Variants in CHST4 observed in about 807,000 individuals in gnomAD.
The protein encoded by CHST4 is carbohydrate sulfotransferase 4, also known as GST-3.
For synonymous variants in CHST4, 171 were observed against 195.5 expected, an observed-to-expected ratio of 0.87 and a Z score of 1.05; for missense variants, 466 against 506.0, an observed-to-expected ratio of 0.92 and a Z score of 0.76.
At chr16:71,529,536 C>A (rs1263028331) in intron 1 of CHST4, among the ~76,000 whole-genome samples, 1 of 134,926 alleles carries the variant, frequency 7.4e-6, no homozygotes, top group Non-Finnish European at 1.5e-5. Flanking sequence ...TCTTCCCATG[C>A]TCATCTATTT....
intron 1 of CHST4, among the ~76,000 whole-genome samples, chr16:71,532,606 G>A (rs1170020307): frequency 3.3e-5 from 5 of 152,158 alleles, no homozygotes; most frequent in Admixed American, 6.5e-5. Context: ...GAAAACCCAC[G>A]AGCTGGCAAA....
rs144351846 is a variant in CHST4, at chr16:71,536,832, G to A, written c.155G>A (p.Arg52His). ...CACGTGCTGGTTCTGTCTTCCTGGC[G>A]CTCTGGCTCTTCTTTTGTGGGGCAG... ...RMHVLVLSSW[R>H]SGSSFVGQLF... The change falls in exon 2 of 2, where the codon CGC becomes CAC. Residue 52 changes from arginine (R) to histidine (H), a missense_variant. Physicochemically the swap from Arg to His is conservative, Grantham distance 29. Transcript: ENST00000539698. 2.6e-5 allele frequency: 40 copies of A among 1,541,132 alleles called. No individual in the cohort carries two copies. Among genetic ancestry groups the A allele is most frequent in the South Asian group, 5.1e-5 (4 of 78,002 alleles).
chr16:71,537,835 C>T lies in CHST4; in HGVS notation c.1158C>T (p.His386=). ...CCTGGACTGTCCCTGAGCAAATCCACTAAGAGGGTTGAGAAGGCTTTGCTG... is the reference window on the plus strand; with the variant it reads ...CCTGGACTGTCCCTGAGCAAATCCATTAAGAGGGTTGAGAAGGCTTTGCTG... The part of the protein sequence containing the change: ...LSTWTVPEQI[H] The change falls in exon 2 of 2, where the codon CAC becomes CAT. Residue 386 remains histidine (H), a synonymous_variant. Transcript: ENST00000539698. The surrounding 1 kb of genome is among the most constrained non-coding windows in gnomAD (Gnocchi z 4.2). 1 of 1,606,170 alleles carries T rather than the reference C, an allele frequency of 6.2e-7. No homozygotes were observed. Among genetic ancestry groups the T allele is most frequent in the South Asian group, 1.1e-5 (1 of 89,932 alleles).
In CHST4 at chr16:71,537,886, T is replaced by C. The variant is rs1395309564; in HGVS notation, c.*48T>C. ...CCACCTGGTGTCAGCCTCAGTCACTTTCTCTGAATGCTTCTGAGCCTTGCC... is the reference window on the plus strand; with the variant it reads ...CCACCTGGTGTCAGCCTCAGTCACTCTCTCTGAATGCTTCTGAGCCTTGCC... On this transcript the variant is annotated 3_prime_UTR_variant, in exon 2 of 2. Coordinates refer to ENST00000539698, the MANE Select transcript of CHST4 (RefSeq NM_001166395.2). This position sits in a 1 kb window ranked among gnomAD's most constrained non-coding sequence, Gnocchi z 4.2. The C allele has an allele frequency of 1.3e-6, 2 of 1,526,362 alleles. No individual in the cohort carries two copies. Among genetic ancestry groups the C allele is most frequent in the South Asian group, 2.5e-5 (2 of 80,024 alleles). The allele number at this position is 1,526,362 out of a possible 1,614,324, so 94.6% of individuals were successfully genotyped here.
chr16:71,537,401 C>G lies in CHST4; in HGVS notation c.724C>G (p.Pro242Ala), dbSNP rs774643793. Residue 242 changes from proline to alanine, a missense_variant, in exon 2 of 2, where the codon CCC (proline) becomes GCC (alanine). Physicochemically the swap from Pro to Ala is conservative, Grantham distance 27. Coordinates refer to ENST00000539698, the MANE Select transcript of CHST4 (RefSeq NM_001166395.2). The surrounding 1 kb of genome is among the most constrained non-coding windows in gnomAD (Gnocchi z 4.2). ...GCAAAAACTCAAGAAGGAGGACCAA[C>G]CCTACTATGTGATGCAGGTCATCTG... The part of the protein sequence containing the change: ...HEQKLKKEDQ[P>A]YYVMQVICQS... 1 of 1,614,170 alleles carries G rather than the reference C, an allele frequency of 6.2e-7. No homozygotes were observed. The highest frequency in any genetic ancestry group is 8.5e-7 in the Non-Finnish European group (1 of 1,180,046).
At chr16:71,531,012 C>G (rs933000676) in intron 1 of CHST4, among the ~76,000 whole-genome samples, 1 of 151,968 alleles carries the variant, frequency 6.6e-6, no homozygotes, top group Non-Finnish European at 1.5e-5. Context: ...ACCCAGGAGG[C>G]AGAAGTTGCA....
chr16:71,531,660 C>T (rs539413486), intron 1 of CHST4, among the ~76,000 whole-genome samples: 1 of 152,246 alleles, frequency 6.6e-6, no homozygotes, highest in Admixed American at 6.5e-5. Flanking sequence ...CCGCACAGGA[C>T]ACAGAACTGG....
chr16:71,532,973 A>C (rs2043959165), intron 1 of CHST4, among the ~76,000 whole-genome samples: 2 of 152,228 alleles, frequency 1.3e-5, no homozygotes, highest in African/African-American at 4.8e-5. Flanking sequence ...ATGCTCCCTA[A>C]GACATATTGA....
At chr16:71,534,341 T>C (rs1049717658) in intron 1 of CHST4, among the ~76,000 whole-genome samples, 4 of 132,776 alleles carry the variant, frequency 3.0e-5, no homozygotes, top group Non-Finnish European at 4.6e-5. Context: ...CTGGGCAACA[T>C]TTCTTTCTTT....
intron 1 of CHST4, among the ~76,000 whole-genome samples, chr16:71,534,777 A>G (rs2043975438): frequency 6.6e-6 from 1 of 152,194 alleles, no homozygotes; most frequent in Non-Finnish European, 1.5e-5. Context: ...ATCCAGCCCC[A>G]CTTACCATCT....
At chr16:71,536,141 T>A (rs567157683) in intron 1 of CHST4, among the ~76,000 whole-genome samples, 16 of 152,138 alleles carry the variant, frequency 1.1e-4, no homozygotes, top group Non-Finnish European at 2.2e-4. Context: ...GGGAGGGAGA[T>A]GAGACACAGT....
rs199848968 is a variant in CHST4, at chr16:71,537,338, C to T, written c.661C>T (p.Leu221Phe). Reference sequence around the variant, plus strand: ...TTCCCGAGAACGCACAAAGGGAGATCTCATGATTGACAGTCGCATTGTGAT... The same window carrying T: ...TTCCCGAGAACGCACAAAGGGAGATTTCATGATTGACAGTCGCATTGTGAT... ...FRSRERTKGD[L>F]MIDSRIVMGQ... is the part of the protein sequence containing the mutation. The change falls in exon 2 of 2, where the codon CTC (leucine) becomes TTC (phenylalanine). Residue 221 changes from leucine (L) to phenylalanine (F), a missense_variant. Leu to Phe is a conservative substitution (Grantham distance 22, BLOSUM62 0). Transcript: ENST00000539698. The surrounding 1 kb of genome is among the most constrained non-coding windows in gnomAD (Gnocchi z 4.2). 1 of 1,614,092 alleles carries T rather than the reference C, an allele frequency of 6.2e-7. No individual in the cohort carries two copies. Among genetic ancestry groups the T allele is most frequent in the South Asian group, 1.1e-5 (1 of 91,090 alleles).
intron 1 of CHST4, among the ~76,000 whole-genome samples, chr16:71,529,110 T>A (rs953733872): frequency 6.6e-6 from 1 of 151,620 alleles, no homozygotes; most frequent in Non-Finnish European, 1.5e-5. Context: ...GTTTTTTGTT[T>A]TTTTTTTTTT....
In CHST4 at chr16:71,537,364, G is replaced by T; in HGVS notation, c.687G>T (p.Met229Ile). The change falls in exon 2 of 2, where the codon ATG becomes ATT. Residue 229 changes from methionine (M) to isoleucine (I), a missense_variant. Coordinates refer to ENST00000539698, the MANE Select transcript of CHST4 (RefSeq NM_001166395.2). The surrounding 1 kb of genome is among the most constrained non-coding windows in gnomAD (Gnocchi z 4.2). ...TCATGATTGACAGTCGCATTGTGAT[G>T]GGGCAGCATGAGCAAAAACTCAAGA... Reference protein sequence around the residue: ...GDLMIDSRIVMGQHEQKLKKE... With the variant: ...GDLMIDSRIVIGQHEQKLKKE... 6.2e-7 allele frequency: 1 copy of T among 1,614,142 alleles called. No homozygotes were observed. Among genetic ancestry groups the T allele is most frequent in the Non-Finnish European group, 8.5e-7 (1 of 1,180,042 alleles).
At chr16:71,533,121 A>G (rs1474608854) in intron 1 of CHST4, among the ~76,000 whole-genome samples, 1 of 152,118 alleles carries the variant, frequency 6.6e-6, no homozygotes, top group Non-Finnish European at 1.5e-5. Flanking sequence ...AACTGAAAAG[A>G]CACATTAAAA....
rs2044006025 is a variant in CHST4, at chr16:71,537,963, T to A, written c.*125T>A. The A allele has an allele frequency of 2.3e-6, 2 of 862,292 alleles. No individual in the cohort carries two copies. Among genetic ancestry groups the A allele is most frequent in the Non-Finnish European group, 3.6e-6 (2 of 555,022 alleles). The allele number at this position is 862,292 out of a possible 1,614,324, so 53.4% of individuals were successfully genotyped here. A position where few individuals can be genotyped will look rare whatever the true frequency, so the allele number is the denominator to read the frequency against. ...CTGTGGGTATCACACTGAGTGTGAG[T>A]TGTGTCCACACGTGCTCAAGCAGAA... On this transcript the variant is annotated 3_prime_UTR_variant, in exon 2 of 2. Transcript: ENST00000539698. This position sits in a 1 kb window ranked among gnomAD's most constrained non-coding sequence, Gnocchi z 4.2.
Position 71,537,352 on chromosome 16 carries a change from T to C in CHST4, c.675T>C (p.Ser225=). Reference sequence around the variant, plus strand: ...CAAAGGGAGATCTCATGATTGACAGTCGCATTGTGATGGGGCAGCATGAGC... The same window carrying C: ...CAAAGGGAGATCTCATGATTGACAGCCGCATTGTGATGGGGCAGCATGAGC... The part of the protein sequence containing the change: ...ERTKGDLMID[S]RIVMGQHEQK... Residue 225 remains serine, a synonymous_variant, in exon 2 of 2, where the codon AGT becomes AGC. Transcript: ENST00000539698. The surrounding 1 kb of genome is among the most constrained non-coding windows in gnomAD (Gnocchi z 4.2). 1 of 1,614,102 alleles carries C rather than the reference T, an allele frequency of 6.2e-7. No homozygotes were observed. Among genetic ancestry groups the C allele is most frequent in the East Asian group, 2.2e-5 (1 of 44,874 alleles).
At chr16:71,533,989 C>T (rs1341204721) in intron 1 of CHST4, among the ~76,000 whole-genome samples, 1 of 150,520 alleles carries the variant, frequency 6.6e-6, no homozygotes, top group Non-Finnish European at 1.5e-5. Context: ...TTGCAGTGAG[C>T]TGAGATCAGG....
In CHST4 at chr16:71,537,998, T is replaced by G. The variant is rs1218113064; in HGVS notation, c.*160T>G. The G allele has an allele frequency of 1.5e-6, 1 of 661,764 alleles. No individual in the cohort carries two copies. The highest frequency in any genetic ancestry group is 2.6e-6 in the Non-Finnish European group (1 of 381,722). The allele number at this position is 661,764 out of a possible 1,614,324, so 41.0% of individuals were successfully genotyped here. Reference sequence around the variant, plus strand: ...ACGTGCTCAAGCAGAAGGACTTTTGTGTCCATGCTTGTGTCTAGAAAACAG... The same window carrying G: ...ACGTGCTCAAGCAGAAGGACTTTTGGGTCCATGCTTGTGTCTAGAAAACAG... On this transcript the variant is annotated 3_prime_UTR_variant, in exon 2 of 2. Coordinates refer to ENST00000539698, the MANE Select transcript of CHST4 (RefSeq NM_001166395.2). The surrounding 1 kb of genome is among the most constrained non-coding windows in gnomAD (Gnocchi z 4.2).
Sources: allele counts gnomAD v4.1 joint callset (sites outside exome capture counted in the v4.1 genomes callset), GRCh38; gene constraint gnomAD v4.1.1; non-coding constraint Gnocchi (gnomAD v3.1); transcripts MANE v1.5; gene names NCBI Gene and HGNC (gene_info 2026-07-23, HGNC 2026-07-21).